The following RALGPS2 variants were observed in gnomAD, a reference collection of about 807,000 sequenced individuals.
RALGPS2 encodes the protein ras-specific guanine nucleotide-releasing factor RalGPS2.
RALGPS2 carries 43 observed loss-of-function variants against 86.8 expected under a neutral mutation model. The observed-to-expected ratio is 0.50, with a 90% CI of 0.39 to 0.64. The LOEUF is 0.64. Among genes scored for constraint, RALGPS2 ranks in the 30% least tolerant of loss-of-function variants. The pLI, the probability that RALGPS2 is intolerant of heterozygous loss-of-function variation, is 0.00. For synonymous variants in RALGPS2, 243 were observed against 231.3 expected (o/e 1.05, Z -0.46); for missense variants, 536 against 694.6 (o/e 0.77, Z 2.57).
rs1660898564 is a variant in RALGPS2 at position 178,918,997 on chromosome 1, C to T, written c.*2638C>T. The T allele has an allele frequency of 6.6e-6, 1 of 152,004 alleles. No individual in the cohort carries two copies. Among genetic ancestry groups the T allele is most frequent in the African/African-American group, 2.4e-5 (1 of 41,420 alleles). The allele number at this position is 152,004 out of a possible 1,614,324, so 9.4% of individuals were successfully genotyped here. On this transcript the variant is annotated 3_prime_UTR_variant, in exon 20 of 20. Coordinates refer to ENST00000367635, the MANE Select transcript of RALGPS2 (RefSeq NM_152663.5). ...AGCCAAGAAGAACTCATTAGAAATT[C>T]AGTTATAATTTCAATTTAAGCCTGT...
At chr1:178,890,266 C>T (rs1659665361) in intron 14 of RALGPS2, among the ~76,000 whole-genome samples, 2 of 151,892 alleles carry the variant, frequency 1.3e-5, no homozygotes, top group South Asian at 2.1e-4. Flanking sequence ...TAGCAAATAT[C>T]ATACTATATT....
chr1:178,866,492 T>C (rs1248763275), intron 8 of RALGPS2, among the ~76,000 whole-genome samples: 1 of 152,202 alleles, frequency 6.6e-6, no homozygotes, highest in Non-Finnish European at 1.5e-5. Context: ...TTATATTTCC[T>C]GAACTGTAAT....
chr1:178,903,388 G>A (rs1442563601), intron 18 of RALGPS2, among the ~76,000 whole-genome samples: 1 of 151,994 alleles, frequency 6.6e-6, no homozygotes, highest in African/African-American at 2.4e-5. Context: ...GGGTACAGGT[G>A]GTATCTGGTT....
chr1:178,736,481 G>T (rs1232713354), intron 1 of RALGPS2, among the ~76,000 whole-genome samples: 3 of 151,920 alleles, frequency 2.0e-5, no homozygotes, highest in Non-Finnish European at 2.9e-5. Context: ...CATTTTAAAC[G>T]TTTTCAATGA....
intron 18 of RALGPS2, among the ~76,000 whole-genome samples, chr1:178,903,488 T>G (rs2102407726): frequency 6.6e-6 from 1 of 152,214 alleles, no homozygotes; most frequent in Middle Eastern, 3.4e-3. Flanking sequence ...GTAGTCTTTT[T>G]ACCCTCATCC....
At chr1:178,865,435 A>G in intron 8 of RALGPS2, 4 of 1,613,998 alleles carry the variant, frequency 2.5e-6, no homozygotes, top group Non-Finnish European at 3.4e-6. Context: ...GCTTTACCTC[A>G]TTCACAATGT....
intron 1 of RALGPS2, among the ~76,000 whole-genome samples, chr1:178,739,217 G>T (rs569919625): frequency 6.6e-6 from 1 of 152,272 alleles, no homozygotes; most frequent in East Asian, 1.9e-4. Flanking sequence ...ATATCTTATG[G>T]ATAAGAAACT....
chr1:178,831,530 T>C (rs1466777336), intron 7 of RALGPS2, among the ~76,000 whole-genome samples: 1 of 152,076 alleles, frequency 6.6e-6, no homozygotes, highest in African/African-American at 2.4e-5. Context: ...CTTTCATTAA[T>C]ATCAATGAAA....
At chr1:178,785,421 A>T in intron 3 of RALGPS2, 136 bp from the exon 4 acceptor site, 1 of 769,898 alleles carries the variant, frequency 1.3e-6, no homozygotes, top group East Asian at 3.5e-5. Flanking sequence ...TACAGGGGCT[A>T]AATTTTGTTT....
intron 13 of RALGPS2, among the ~76,000 whole-genome samples, chr1:178,888,937 A>G (rs1659604942): frequency 6.6e-6 from 1 of 152,132 alleles, no homozygotes; most frequent in Non-Finnish European, 1.5e-5. Flanking sequence ...CCTATTAATC[A>G]TCCTAATTTT....
chr1:178,817,364 AAAAAAAAG>A (rs1366852115), intron 6 of RALGPS2, among the ~76,000 whole-genome samples: 2 of 151,408 alleles, frequency 1.3e-5, no homozygotes, highest in Non-Finnish European at 1.5e-5. Context: ...AAAAAAAAAA[AAAAAAAAG>A]AATATCTAAT....
At chr1:178,891,519 T>C (rs1659709145) in intron 14 of RALGPS2, among the ~76,000 whole-genome samples, 1 of 152,146 alleles carries the variant, frequency 6.6e-6, no homozygotes, top group East Asian at 1.9e-4. Context: ...AAAATAATGC[T>C]TTTCCTTTAA....
At chr1:178,884,919 T>C (rs1041588914) in intron 11 of RALGPS2, among the ~76,000 whole-genome samples, 157 bp from the exon 12 acceptor site, 1 of 152,238 alleles carries the variant, frequency 6.6e-6, no homozygotes, top group Admixed American at 6.5e-5. Context: ...GTTTGGGATT[T>C]TGTGTTTTAG....
chr1:178,856,202 G>GAGAGAGATATATAT (rs1428022812), intron 8 of RALGPS2, among the ~76,000 whole-genome samples: 1 of 83,912 alleles, frequency 1.2e-5, no homozygotes, highest in African/African-American at 6.4e-5. Context: ...GAGAGAGAGA[G>GAGAGAGATATATAT]ATATATATAT....
chr1:178,764,073 T>A (rs1383116089), intron 1 of RALGPS2, among the ~76,000 whole-genome samples: 1 of 152,146 alleles, frequency 6.6e-6, no homozygotes, highest in Non-Finnish European at 1.5e-5. Flanking sequence ...TGTTGAAATC[T>A]CCCACTATTA....
At chr1:178,797,325 A>G (rs1654240303) in intron 4 of RALGPS2, among the ~76,000 whole-genome samples, 1 of 151,590 alleles carries the variant, frequency 6.6e-6, no homozygotes, top group Admixed American at 6.6e-5. Context: ...TTTTTTTTTA[A>G]TCACAGAGAA....
intron 8 of RALGPS2, among the ~76,000 whole-genome samples, chr1:178,856,987 C>A (rs1657631013): frequency 6.6e-6 from 1 of 152,118 alleles, no homozygotes; most frequent in South Asian, 2.1e-4. Flanking sequence ...TGTTTTGCTA[C>A]CACTATTCTC....
Position 178,902,091 on chromosome 1 carries a change from CT to C in RALGPS2, c.1525-8del, listed in dbSNP as rs758595495. 1.8e-5 allele frequency: 28 copies of C among 1,590,536 alleles called. No individual in the cohort carries two copies. Among genetic ancestry groups the C allele is most frequent in the Admixed American group, 3.4e-5 (2 of 59,668 alleles). On this transcript the variant is annotated splice_polypyrimidine_tract_variant and intron_variant, in intron 17 of 19. Coordinates refer to ENST00000367635, the MANE Select transcript of RALGPS2 (RefSeq NM_152663.5). ...TAAATTTTCTGTTTCCGCTAATTAT[CT>C]TTTTTTCTCTCAGTTCAAATCAACA... is the stretch of plus-strand genomic sequence containing the variant.
At chr1:178,788,792 C>T (rs1653792331) in intron 4 of RALGPS2, among the ~76,000 whole-genome samples, 1 of 150,676 alleles carries the variant, frequency 6.6e-6, no homozygotes, top group Admixed American at 6.6e-5. Context: ...TTTCTCTTCT[C>T]TTCTTTTCTT....
Sources: gnomAD v4.1 joint callset for allele counts (sites outside exome capture counted in the v4.1 genomes callset) on GRCh38, gnomAD v4.1.1 for gene constraint, MANE v1.5 for transcripts, NCBI Gene and HGNC (gene_info 2026-07-23, HGNC 2026-07-21) for gene names.